The following USP4 variants were observed in gnomAD, a reference collection of about 807,000 sequenced individuals.
USP4 encodes the protein ubiquitin carboxyl-terminal hydrolase 4.
USP4 carries 72 observed loss-of-function variants against 118.2 expected under a neutral mutation model. The ratio of observed to expected loss-of-function variants is 0.61; its 90% CI spans 0.50 to 0.74. The LOEUF (loss-of-function observed/expected upper bound fraction) is 0.74, where lower values mean the gene tolerates loss of function less well. USP4 is among the 30% of genes least tolerant of loss of function. The pLI is 0.00. For missense variants in USP4, 1,037 were observed against 1,185.7 expected (o/e 0.87, Z 1.84); for synonymous variants, 415 against 440.4 (o/e 0.94, Z 0.72).
intron 6 of USP4, among the ~76,000 whole-genome samples, chr3:49,319,013 T>G (rs1222267850): frequency 6.6e-6 from 1 of 150,424 alleles, no homozygotes; most frequent in African/African-American, 2.4e-5. Flanking sequence ...GAGGGAGGAC[T>G]GTTGAGGGAT....
In USP4 at chr3:49,325,006, T is replaced by G. The variant is rs567871548; in HGVS notation, c.521A>C (p.Asn174Thr). The G allele has an allele frequency of 6.2e-7, 1 of 1,613,950 alleles. No individual in the cohort carries two copies. The highest frequency in any genetic ancestry group is 8.5e-7 in the Non-Finnish European group (1 of 1,179,998). ...CCGTGTTTCACGCTCCGCAGGGATG[T>G]TGAATAGCTTCCGCATCTCTTTCTC... ...TIEKEMRKLF[N>T]IPAERETRLW... is the part of the protein sequence containing the mutation. The change falls in exon 5 of 22, where the codon AAC (asparagine) becomes ACC (threonine). Residue 174 changes from asparagine to threonine, a missense_variant. This residue lies in a region of USP4 where 487 missense variants were observed against 534.1 expected (regional missense o/e 0.91). Transcript: ENST00000265560.
chr3:49,336,425 TG>T (rs759373716), intron 1 of USP4, among the ~76,000 whole-genome samples: 104 of 150,790 alleles, frequency 6.9e-4, no homozygotes, highest in Non-Finnish European at 1.3e-3. Context: ...CCTCCTGCCT[TG>T]GCCTCCCAAA....
intron 21 of USP4, 111 bp from the exon 22 acceptor site, chr3:49,278,562 G>A: frequency 7.5e-7 from 1 of 1,335,064 alleles, no homozygotes; most frequent in Non-Finnish European, 1.0e-6. Flanking sequence ...TCCACACAGA[G>A]GAGACCCTTC....
At chr3:49,320,303 G>A (rs1161357228) in intron 6 of USP4, among the ~76,000 whole-genome samples, 3 of 152,152 alleles carry the variant, frequency 2.0e-5, no homozygotes, top group African/African-American at 7.2e-5. Flanking sequence ...TTAGCCGGGC[G>A]TGGTGGCGCA....
chr3:49,321,012 T>C (rs2047494029), intron 6 of USP4, among the ~76,000 whole-genome samples: 1 of 152,008 alleles, frequency 6.6e-6, no homozygotes, highest in Non-Finnish European at 1.5e-5. Flanking sequence ...ACAAAGGAGG[T>C]TTGATGTATG....
At chr3:49,290,787 T>G (rs951318051) in intron 15 of USP4, among the ~76,000 whole-genome samples, 2 of 152,136 alleles carry the variant, frequency 1.3e-5, no homozygotes, top group Non-Finnish European at 2.9e-5. Flanking sequence ...AGTGCTGGGA[T>G]TACAGGCATG....
intron 6 of USP4, chr3:49,312,718 C>T (rs2047397713): frequency 3.4e-6 from 1 of 295,844 alleles, no homozygotes. Flanking sequence ...TGCGTGAAAC[C>T]GGGAGGCGGA....
At position 49,277,285 on chromosome 3, in the gene USP4, A is replaced by G. The variant is rs937074015; in HGVS notation, c.*1008T>C. On this transcript the variant is annotated 3_prime_UTR_variant, in exon 22 of 22. Transcript: ENST00000265560. ...GATTAGGTTGAAGGTCAGACAAAAA[A>G]TCCCGGACCCATACGTCCGGTTCCT... 8.9e-5 allele frequency: 112 copies of G among 1,262,250 alleles called. No individual in the cohort carries two copies. Among genetic ancestry groups the G allele is most frequent in the Non-Finnish European group, 1.1e-4 (110 of 965,822 alleles). The allele number at this position is 1,262,250 out of a possible 1,614,324, so 78.2% of individuals were successfully genotyped here.
Position 49,294,417 on chromosome 3 carries a change from C to A in USP4, c.1873G>T (p.Asp625Tyr). 2 of 1,612,444 alleles carry A rather than the reference C, an allele frequency of 1.2e-6. No homozygotes were observed. Among genetic ancestry groups the A allele is most frequent in the South Asian group, 2.2e-5 (2 of 90,866 alleles). ...ATTCCTGCCACCAACCTGATACGATCACAAACAGCCTGGTACAAAGACTCA... is the reference window on the plus strand; with the variant it reads ...ATTCCTGCCACCAACCTGATACGATAACAAACAGCCTGGTACAAAGACTCA... ...TLESLYQAVC[D>Y]RISRYVKQPL... Residue 625 changes from aspartate (D) to tyrosine (Y), a missense_variant, in exon 14 of 22, where the codon GAT (aspartate) becomes TAT (tyrosine). By Grantham distance (160) the Asp-to-Tyr change is radical. Transcript: ENST00000265560.
At chr3:49,287,778 A>G (rs988383596) in intron 15 of USP4, among the ~76,000 whole-genome samples, 3 of 152,038 alleles carry the variant, frequency 2.0e-5, no homozygotes, top group African/African-American at 7.2e-5. Context: ...AGCTATTTTC[A>G]AATATTATAA....
At chr3:49,336,347 T>C (rs1212890239) in intron 1 of USP4, among the ~76,000 whole-genome samples, 1 of 150,910 alleles carries the variant, frequency 6.6e-6, no homozygotes, top group Middle Eastern at 3.2e-3. Flanking sequence ...AATTTTTTTG[T>C]ATTTTTAGTA....
chr3:49,284,786 C>G, intron 17 of USP4, 63 bp downstream of exon 17: 1 of 1,480,706 alleles, frequency 6.8e-7, no homozygotes, highest in Non-Finnish European at 9.4e-7. Context: ...TGAAAGTGAT[C>G]GCAGTCCACA....
chr3:49,300,356 G>A (rs762957906), intron 11 of USP4, 111 bp downstream of exon 11: 1 of 925,362 alleles, frequency 1.1e-6, no homozygotes, highest in African/African-American at 1.6e-5. Context: ...CCATACCCAG[G>A]CAAGTACCAA....
At chr3:49,317,940 A>G (rs1421346934) in intron 6 of USP4, among the ~76,000 whole-genome samples, 4 of 151,816 alleles carry the variant, frequency 2.6e-5, no homozygotes, top group African/African-American at 9.7e-5. Context: ...GGTTTAAGCG[A>G]GTCTCTTGCC....
At chr3:49,292,456 G>A (rs2047161395) in intron 15 of USP4, 54 bp downstream of exon 15, 2 of 1,214,814 alleles carry the variant, frequency 1.6e-6, no homozygotes, top group Non-Finnish European at 2.3e-6. Context: ...AGAAGAAGAG[G>A]GAAATCAGGA....
intron 19 of USP4, among the ~76,000 whole-genome samples, chr3:49,281,472 A>ACG: frequency 1.7e-5 from 2 of 120,094 alleles, no homozygotes; most frequent in Non-Finnish European, 3.4e-5. Flanking sequence ...GAAAAAAAGT[A>ACG]TGTGTATATA....
intron 6 of USP4, among the ~76,000 whole-genome samples, chr3:49,323,539 T>C (rs1315836989): frequency 1.3e-5 from 2 of 152,186 alleles, no homozygotes; most frequent in Admixed American, 6.5e-5. Flanking sequence ...AGGGTGAAGA[T>C]GAGCACAGCT....
Position 49,278,442 on chromosome 3 carries a change from C to A in USP4, c.2743G>T (p.Ala915Ser). Residue 915 changes from alanine (A) to serine (S), a missense_variant, in exon 22 of 22, where the codon GCT (alanine) becomes TCT (serine). Ala to Ser is a moderately conservative substitution (Grantham distance 99). Coordinates refer to ENST00000265560, the MANE Select transcript of USP4 (RefSeq NM_003363.4). ...ASEDQIVTKA[A>S]YVLFYQRRDD... ...CGACGTTGGTAAAATAGCACATAAGCTGCTTTAGTCTGAAATACAAGAGGG... is the reference window on the plus strand; with the variant it reads ...CGACGTTGGTAAAATAGCACATAAGATGCTTTAGTCTGAAATACAAGAGGG... 6.2e-7 allele frequency: 1 copy of A among 1,613,602 alleles called. No homozygotes were observed. Among genetic ancestry groups the A allele is most frequent in the South Asian group, 1.1e-5 (1 of 91,010 alleles).
In USP4 at chr3:49,339,792, G is replaced by A. The variant is rs1008947146; in HGVS notation, c.101+132C>T. On this transcript the variant is annotated intron_variant, in intron 1 of 21. Transcript: ENST00000265560. ...GATCCTGGAGTTATTCTCCTGAGGGGCAGGTGTCAGGCTACTCTTCCAGGG... is the reference window on the plus strand; with the variant it reads ...GATCCTGGAGTTATTCTCCTGAGGGACAGGTGTCAGGCTACTCTTCCAGGG... 22 of 652,394 alleles carry A rather than the reference G, an allele frequency of 3.4e-5. 1 individual carries two copies. In the East Asian group the frequency reaches 6.0e-4, roughly 18 times the overall value. 40.4% of individuals were successfully genotyped at this position (652,394 alleles called of 1,614,324 possible). A position where few individuals can be genotyped will look rare whatever the true frequency, so the allele number is the denominator to read the frequency against.
Sources: allele counts gnomAD v4.1 joint callset (sites outside exome capture counted in the v4.1 genomes callset), GRCh38; gene constraint gnomAD v4.1.1; regional missense constraint gnomAD v4.1.1; transcripts MANE v1.5; gene names NCBI Gene and HGNC (gene_info 2026-07-23, HGNC 2026-07-21).